Variants in SCD5 observed in about 807,000 individuals in gnomAD.
SCD5 encodes the protein stearoyl-CoA desaturase 5.
SCD5 carries 20 observed loss-of-function variants against 30.4 expected under a neutral mutation model. The ratio of observed to expected loss-of-function variants is 0.66; its 90% CI spans 0.46 to 0.96. SCD5 has a LOEUF of 0.96. Ranked by LOEUF, SCD5 falls within the 40% of genes least tolerant of loss-of-function variation. SCD5 has a pLI of 0.00. For missense variants in SCD5, 381 were observed against 443.3 expected (o/e 0.86, Z 1.26); for synonymous variants, 173 against 176.4 (o/e 0.98, Z 0.16).
intron 1 of SCD5, among the ~76,000 whole-genome samples, chr4:82,784,891 C>T (rs1052268651): frequency 3.9e-5 from 6 of 152,242 alleles, no homozygotes; most frequent in Non-Finnish European, 8.8e-5. Context: ...AACCCTTTAG[C>T]TCCTGGATTG....
rs72662838 is a variant in SCD5 at position 82,788,516 on chromosome 4, G to A, written c.232+9790C>T. On this transcript the variant is annotated intron_variant, in intron 1 of 4. Coordinates refer to ENST00000319540, the MANE Select transcript of SCD5 (RefSeq NM_001037582.3). ...AGCAATTCTCGTGCTTTAGCCTCCC[G>A]AGTAACTGGGATTACAAGTGTTCAC... is the stretch of plus-strand genomic sequence containing the variant. Among the ~76,000 whole-genome samples the A allele has an allele frequency of 7.3e-3, 1,110 of 152,226 alleles. 7 individuals carry two copies. The highest frequency in any genetic ancestry group is 0.014 in the Non-Finnish European group (924 of 68,012).
chr4:82,671,205 T>C (rs754183759), intron 3 of SCD5, among the ~76,000 whole-genome samples: 2 of 152,178 alleles, frequency 1.3e-5, no homozygotes, highest in Non-Finnish European at 2.9e-5. Flanking sequence ...ATCCTTAATG[T>C]GTATGCACCT....
chr4:82,716,231 C>T (rs1448210480), intron 1 of SCD5, among the ~76,000 whole-genome samples: 1 of 151,642 alleles, frequency 6.6e-6, no homozygotes, highest in Non-Finnish European at 1.5e-5. Flanking sequence ...ATCAAAGCTC[C>T]CTGGAAGAAC....
At chr4:82,666,210 T>C (rs900891915) in intron 3 of SCD5, among the ~76,000 whole-genome samples, 1 of 152,226 alleles carries the variant, frequency 6.6e-6, no homozygotes, top group African/African-American at 2.4e-5. Context: ...GAAGAGCTGT[T>C]TTCTCTGATG....
chr4:82,781,397 C>A (rs889660040), intron 1 of SCD5, among the ~76,000 whole-genome samples: 25 of 149,242 alleles, frequency 1.7e-4, no homozygotes, highest in African/African-American at 5.5e-4. Context: ...GCCTGGCTGA[C>A]AGAGTGAGAC....
intron 1 of SCD5, 101 bp downstream of exon 1, chr4:82,798,205 G>A (rs1722271182): frequency 1.8e-6 from 2 of 1,134,218 alleles, no homozygotes; most frequent in East Asian, 9.8e-5. Context: ...ACCGGGGGTC[G>A]CTGCGCACCG....
At chr4:82,646,500 T>G (rs1392522533) in intron 3 of SCD5, among the ~76,000 whole-genome samples, 1 of 152,060 alleles carries the variant, frequency 6.6e-6, no homozygotes, top group Non-Finnish European at 1.5e-5. Flanking sequence ...TGAAAATGGG[T>G]TTTCTCTCTC....
intron 1 of SCD5, among the ~76,000 whole-genome samples, chr4:82,789,494 G>A (rs1247755470): frequency 6.6e-6 from 1 of 152,198 alleles, no homozygotes; most frequent in Non-Finnish European, 1.5e-5. Context: ...TCTGAGATTT[G>A]TTTTCTCTAA....
At chr4:82,700,065 A>C (rs866722914) in intron 2 of SCD5, among the ~76,000 whole-genome samples, 11 of 151,872 alleles carry the variant, frequency 7.2e-5, no homozygotes, top group African/African-American at 2.2e-4. Flanking sequence ...AAAAATGCAA[A>C]AACAAGCTGG....
At chr4:82,652,469 A>G (rs1266677421) in intron 3 of SCD5, among the ~76,000 whole-genome samples, 1 of 152,242 alleles carries the variant, frequency 6.6e-6, no homozygotes, top group African/African-American at 2.4e-5. Flanking sequence ...TAGAAAGAGT[A>G]TGCACTTTGG....
At chr4:82,713,926 G>A (rs900708105) in intron 1 of SCD5, among the ~76,000 whole-genome samples, 1 of 152,060 alleles carries the variant, frequency 6.6e-6, no homozygotes, top group African/African-American at 2.4e-5. Context: ...ACTTCCCCAG[G>A]CTCCGCCACC....
chr4:82,635,677 G>A (rs1577998734), intron 4 of SCD5, among the ~76,000 whole-genome samples: 2 of 150,186 alleles, frequency 1.3e-5, no homozygotes, highest in East Asian at 2.0e-4. Flanking sequence ...GCACTGGTAG[G>A]AACACTCTGT....
chr4:82,744,523 C>T (rs913753555), intron 1 of SCD5, among the ~76,000 whole-genome samples: 9 of 152,188 alleles, frequency 5.9e-5, no homozygotes, highest in African/African-American at 2.2e-4. Context: ...TAAAGCCAGT[C>T]TCACTTGTCT....
At chr4:82,644,715 T>G (rs1211007949) in intron 3 of SCD5, among the ~76,000 whole-genome samples, 1 of 150,734 alleles carries the variant, frequency 6.6e-6, no homozygotes, top group Non-Finnish European at 1.5e-5. Context: ...CTGGTGCCCA[T>G]GTAGGATTGT....
intron 1 of SCD5, among the ~76,000 whole-genome samples, chr4:82,793,271 C>T (rs1722137862): frequency 6.6e-6 from 1 of 152,146 alleles, no homozygotes; most frequent in Non-Finnish European, 1.5e-5. Context: ...TGATGTGGCC[C>T]TGTTTCTGTA....
intron 1 of SCD5, among the ~76,000 whole-genome samples, chr4:82,720,441 T>TAAAAA (rs1553917690): frequency 1.6e-3 from 124 of 77,840 alleles, no homozygotes; most frequent in East Asian, 3.2e-3. Flanking sequence ...AAGGCAAAAA[T>TAAAAA]AAAAAAAAAA....
intron 1 of SCD5, among the ~76,000 whole-genome samples, chr4:82,746,323 G>A (rs1720981403): frequency 6.6e-6 from 1 of 152,232 alleles, no homozygotes; most frequent in African/African-American, 2.4e-5. Flanking sequence ...CTTAGGCTGA[G>A]GAGTGGCTTT....
chr4:82,782,944 C>T (rs1721903997), intron 1 of SCD5, among the ~76,000 whole-genome samples: 1 of 152,172 alleles, frequency 6.6e-6, no homozygotes, highest in Admixed American at 6.5e-5. Flanking sequence ...TGATGTTCAC[C>T]TGATGGGGAC....
intron 1 of SCD5, among the ~76,000 whole-genome samples, chr4:82,785,508 T>C (rs971072332): frequency 6.6e-6 from 1 of 152,230 alleles, no homozygotes; most frequent in Non-Finnish European, 1.5e-5. Flanking sequence ...TTGAAAATCG[T>C]ATGTAAGCCT....
Sources: allele counts gnomAD v4.1 joint callset (sites outside exome capture counted in the v4.1 genomes callset), GRCh38; gene constraint gnomAD v4.1.1; transcripts MANE v1.5; gene names NCBI Gene and HGNC (gene_info 2026-07-23, HGNC 2026-07-21).